The following MSN variants were observed in gnomAD, a reference collection of about 807,000 sequenced individuals.
The protein encoded by MSN is epididymis luminal protein 70.
Under a neutral mutation model 48.0 loss-of-function variants are expected in MSN, and 2 were observed. That is an observed-to-expected ratio of 0.04 (90% CI 0.02 to 0.13). The LOEUF is 0.13. Among genes scored for constraint, MSN ranks in the 10% least tolerant of loss-of-function variants. The pLI is 1.00. For synonymous variants in MSN, 146 were observed against 166.9 expected, an observed-to-expected ratio of 0.87 and a Z score of 0.97; for missense variants, 267 against 470.1, an observed-to-expected ratio of 0.57 and a Z score of 3.99.
At chrX:65,591,135 A>C (rs1262099326) in intron 1 of MSN, among the ~76,000 whole-genome samples, 1 of 111,441 alleles carries the variant, frequency 9.0e-6, no homozygotes, top group Non-Finnish European at 1.9e-5. Context: ...GTCCTTGGCC[A>C]TGAGAGTCCT....
chrX:65,619,730 G>A, intron 1 of MSN, among the ~76,000 whole-genome samples: 1 of 109,237 alleles, frequency 9.2e-6, no homozygotes, highest in Admixed American at 9.5e-5. Flanking sequence ...TCTCCATCCA[G>A]CTTTGTTCCG....
chrX:65,716,093 T>C (rs2071462152), intron 1 of MSN, among the ~76,000 whole-genome samples: 1 of 111,855 alleles, frequency 8.9e-6, no homozygotes. Flanking sequence ...TGGAACCCAG[T>C]GCTCTTTGTC....
chrX:65,728,334 C>T (rs1223977864), intron 3 of MSN, among the ~76,000 whole-genome samples: 1 of 111,277 alleles, frequency 9.0e-6, no homozygotes, highest in Admixed American at 9.5e-5. Flanking sequence ...CGCACTCTCG[C>T]CCAGGCTGGA....
In MSN at chrX:65,683,440, C is replaced by T. The variant is rs898098490; in HGVS notation, c.12+15587C>T. Reference sequence around the variant, plus strand: ...CCACCACCACCACCACCACCACCACCACCCAGGCTGCTTTAGGGCCCAGAG... The same window carrying T: ...CCACCACCACCACCACCACCACCACTACCCAGGCTGCTTTAGGGCCCAGAG... On this transcript the variant is annotated intron_variant, in intron 1 of 12. Coordinates refer to ENST00000360270, the MANE Select transcript of MSN (RefSeq NM_002444.3). Among the ~76,000 whole-genome samples the T allele has an allele frequency of 4.7e-5, 5 of 106,066 alleles. No homozygotes were observed. In the South Asian group the frequency reaches 1.7e-3, roughly 37 times the overall value. 92.1% of individuals were successfully genotyped at this position (106,066 alleles called of 115,157 possible). A position where few individuals can be genotyped will look rare whatever the true frequency, so the allele number is the denominator to read the frequency against.
intron 1 of MSN, among the ~76,000 whole-genome samples, chrX:65,628,198 T>C (rs12838788): frequency 8.9e-6 from 1 of 112,954 alleles, no homozygotes; most frequent in Non-Finnish European, 1.9e-5. Flanking sequence ...CAGTAGGGAC[T>C]CTGTGTGGGG....
intron 1 of MSN, among the ~76,000 whole-genome samples, chrX:65,669,043 T>G (rs2070903903): frequency 8.9e-6 from 1 of 111,741 alleles, no homozygotes; most frequent in Admixed American, 9.5e-5. Flanking sequence ...CACGTTACTG[T>G]ATACCAGCCT....
intron 1 of MSN, among the ~76,000 whole-genome samples, chrX:65,595,494 A>C (rs1031654765): frequency 7.2e-5 from 8 of 111,545 alleles, no homozygotes; most frequent in Non-Finnish European, 1.1e-4. Flanking sequence ...CTGTAGGCCT[A>C]CCTCAGCCTG....
At chrX:65,715,860 A>G (rs1415647376) in intron 1 of MSN, among the ~76,000 whole-genome samples, 1 of 111,362 alleles carries the variant, frequency 9.0e-6, no homozygotes, top group African/African-American at 3.3e-5. Context: ...TTCTAATACT[A>G]TGTTGAATAT....
intron 1 of MSN, among the ~76,000 whole-genome samples, chrX:65,607,337 C>T (rs901239042): frequency 9.0e-6 from 1 of 111,553 alleles, no homozygotes; most frequent in African/African-American, 3.3e-5. Context: ...GGGCCTCTGA[C>T]CCAGAGGGAG....
chrX:65,612,552 T>C (rs1022596322), intron 1 of MSN, among the ~76,000 whole-genome samples: 1 of 5,107 alleles, frequency 2.0e-4, no homozygotes, highest in Non-Finnish European at 3.2e-4. Flanking sequence ...TTCTTCGTAA[T>C]GGTTTTTTTT....
In MSN at chrX:65,676,228, G is replaced by A. The variant is rs949659227; in HGVS notation, c.12+8375G>A. On this transcript the variant is annotated intron_variant, in intron 1 of 12. Transcript: ENST00000360270. Reference sequence around the variant, plus strand: ...CTGCAGCATCTGGGTCTTGAATTTGGAGAAAAGGCCTTTTGGGCGACTTTC... The same window carrying A: ...CTGCAGCATCTGGGTCTTGAATTTGAAGAAAAGGCCTTTTGGGCGACTTTC... Among the ~76,000 whole-genome samples, 4 of 111,611 alleles carry A rather than the reference G, an allele frequency of 3.6e-5. No individual in the cohort carries two copies. In the Admixed American group the frequency reaches 3.8e-4, roughly 11 times the overall value.
chrX:65,592,514 T>C (rs1296434074), intron 1 of MSN, among the ~76,000 whole-genome samples: 2 of 110,317 alleles, frequency 1.8e-5, no homozygotes, highest in Admixed American at 1.9e-4. Flanking sequence ...TCCCATTTTA[T>C]CCTTGCCCAC....
At chrX:65,589,960 G>A (rs1406281372) in intron 1 of MSN, among the ~76,000 whole-genome samples, 6 of 109,584 alleles carry the variant, frequency 5.5e-5, no homozygotes, top group Admixed American at 9.7e-5. Flanking sequence ...CTGCCTCCTG[G>A]GTTCAAGCGA....
Position 65,739,092 on chromosome X carries a change from G to A in MSN, c.1467G>A (p.Glu489=), listed in dbSNP as rs1257834686. 9.1e-6 allele frequency: 11 copies of A among 1,211,977 alleles called. 1 individual carries two copies. The South Asian group carries it at 1.9e-4, about 21-fold the overall frequency. ...EQDEQDENGA[E]ASADLRADAM... ...ATGAGCAGGATGAGAATGGGGCAGA[G>A]GCTAGTGCTGACCTACGGGCTGATG... is the stretch of plus-strand genomic sequence containing the variant. Residue 489 remains glutamate, a synonymous_variant, in exon 12 of 13, where the codon GAG becomes GAA. Transcript: ENST00000360270.
intron 1 of MSN, among the ~76,000 whole-genome samples, chrX:65,656,308 G>A (rs939824329): frequency 9.3e-6 from 1 of 107,095 alleles, no homozygotes; most frequent in African/African-American, 3.5e-5. Flanking sequence ...TGTGTGTATT[G>A]TGTTTGTTGT....
intron 2 of MSN, among the ~76,000 whole-genome samples, chrX:65,727,275 A>G (rs1031347254): frequency 8.9e-6 from 1 of 111,863 alleles, no homozygotes; most frequent in Non-Finnish European, 1.9e-5. Context: ...GGAGTGGCCC[A>G]AGAGAACAAG....
At chrX:65,673,152 A>C (rs2070959689) in intron 1 of MSN, among the ~76,000 whole-genome samples, 1 of 111,590 alleles carries the variant, frequency 9.0e-6, no homozygotes, top group African/African-American at 3.3e-5. Flanking sequence ...AAACCAAGTG[A>C]GAGTATATTA....
chrX:65,702,105 C>T (rs183168530), intron 1 of MSN, among the ~76,000 whole-genome samples: 9 of 107,007 alleles, frequency 8.4e-5, no homozygotes, highest in African/African-American at 1.7e-4. Flanking sequence ...CTCTGCCTCC[C>T]GGGTTCAAGC....
In MSN at chrX:65,740,090, C is replaced by A. The variant is rs1170408057; in HGVS notation, c.*197C>A. On this transcript the variant is annotated 3_prime_UTR_variant, in exon 13 of 13. Transcript: ENST00000360270. ...CTTCCCTGGGCAAATGAATGGCTCA[C>A]TATGGTGCCAATGGAACCTCCTTTC... The A allele has an allele frequency of 8.1e-6, 3 of 368,172 alleles. No individual in the cohort carries two copies. Among genetic ancestry groups the A allele is most frequent in the Non-Finnish European group, 1.4e-5 (3 of 209,740 alleles). 30.3% of individuals were successfully genotyped at this position (368,172 alleles called of 1,213,427 possible). A position where few individuals can be genotyped will look rare whatever the true frequency, so the allele number is the denominator to read the frequency against.
Sources: gnomAD v4.1 joint callset for allele counts (sites outside exome capture counted in the v4.1 genomes callset) on GRCh38, gnomAD v4.1.1 for gene constraint, MANE v1.5 for transcripts, NCBI Gene and HGNC (gene_info 2026-07-23, HGNC 2026-07-21) for gene names.